The following CTNNA2 variants were observed in gnomAD, a reference collection of about 807,000 sequenced individuals.
CTNNA2 encodes the protein catenin alpha 2.
Under a neutral mutation model 101.0 loss-of-function variants are expected in CTNNA2, and 42 were observed. That is an observed-to-expected ratio of 0.42 (90% CI 0.32 to 0.54). The LOEUF (loss-of-function observed/expected upper bound fraction) is 0.54. CTNNA2 is among the 20% of genes least tolerant of loss of function. The pLI, the probability that CTNNA2 is intolerant of heterozygous loss-of-function variation, is 0.14. For synonymous variants in CTNNA2, 450 were observed against 456.4 expected, an observed-to-expected ratio of 0.99 and a Z score of 0.18; for missense variants, 871 against 1,223.1, an observed-to-expected ratio of 0.71 and a Z score of 4.29.
At chr2:79,241,481 T>C (rs1249378271) in intron 2 of CTNNA2, among the ~76,000 whole-genome samples, 1 of 152,046 alleles carries the variant, frequency 6.6e-6, no homozygotes, top group African/African-American at 2.4e-5. Context: ...TGAAAAACAA[T>C]TGATGAGACA....
chr2:79,448,118 T>C (rs921971159), intron 4 of CTNNA2, among the ~76,000 whole-genome samples: 2 of 152,048 alleles, frequency 1.3e-5, no homozygotes, highest in African/African-American at 4.8e-5. Flanking sequence ...ATATAACACA[T>C]AAATCTAGAA....
At chr2:80,367,407 G>A (rs1675040725) in intron 7 of CTNNA2, among the ~76,000 whole-genome samples, 1 of 152,072 alleles carries the variant, frequency 6.6e-6, no homozygotes, top group Non-Finnish European at 1.5e-5. Context: ...TTTAGGGTTT[G>A]GGGTTATTGT....
intron 3 of CTNNA2, among the ~76,000 whole-genome samples, chr2:79,345,837 C>T (rs888164484): frequency 6.6e-5 from 10 of 150,874 alleles, no homozygotes; most frequent in Non-Finnish European, 1.0e-4. Flanking sequence ...GTATTACAGG[C>T]GCCAGCCATC....
intron 7 of CTNNA2, among the ~76,000 whole-genome samples, chr2:80,275,465 A>G (rs1265772125): frequency 6.6e-6 from 1 of 152,214 alleles, no homozygotes; most frequent in Non-Finnish European, 1.5e-5. Flanking sequence ...TGATGATTGA[A>G]TGATGATTTT....
intron 7 of CTNNA2, among the ~76,000 whole-genome samples, chr2:80,315,207 C>T (rs1677992682): frequency 6.6e-6 from 1 of 152,116 alleles, no homozygotes; most frequent in Non-Finnish European, 1.5e-5. Flanking sequence ...TTTGACTGCT[C>T]CCTCTTTAGA....
rs113615825 is a variant in CTNNA2, at chr2:79,219,172, T to C, written c.-406+21096T>C. Among the ~76,000 whole-genome samples, 314 of 152,346 alleles carry C rather than the reference T, an allele frequency of 2.1e-3. 2 individuals are homozygous for C. The highest frequency in any genetic ancestry group is 0.014 in the Middle Eastern group (4 of 294). ...AAGAAAACATTATTCTTAATGGCTATGTAATATTTCATTATATCATTTATA... is the reference window on the plus strand; with the variant it reads ...AAGAAAACATTATTCTTAATGGCTACGTAATATTTCATTATATCATTTATA... On this transcript the variant is annotated intron_variant, in intron 2 of 21. Transcript: ENST00000466387.
At chr2:80,038,068 A>T (rs202039477) in intron 7 of CTNNA2, among the ~76,000 whole-genome samples, 1 of 3,864 alleles carries the variant, frequency 2.6e-4, no homozygotes, top group Non-Finnish European at 3.9e-4. Context: ...TTGAAAATTG[A>T]AAAAAAAAAC....
chr2:80,336,860 A>G (rs1265703843), intron 7 of CTNNA2, among the ~76,000 whole-genome samples: 1 of 152,196 alleles, frequency 6.6e-6, no homozygotes, highest in Non-Finnish European at 1.5e-5. Context: ...TGAAGTCTCA[A>G]AGTCAAGGAA....
chr2:79,921,390 A>G (rs1686643425), intron 7 of CTNNA2, among the ~76,000 whole-genome samples: 1 of 152,222 alleles, frequency 6.6e-6, no homozygotes, highest in Non-Finnish European at 1.5e-5. Context: ...TATATTAGTC[A>G]GCCTAGACAT....
intron 1 of CTNNA2, among the ~76,000 whole-genome samples, chr2:79,541,544 G>C (rs1258105991): frequency 6.6e-6 from 1 of 151,022 alleles, no homozygotes; most frequent in Non-Finnish European, 1.5e-5. Context: ...AATTCTTATG[G>C]CTTAGGAGTT....
At chr2:80,266,468 T>C (rs1673010081) in intron 7 of CTNNA2, among the ~76,000 whole-genome samples, 1 of 152,192 alleles carries the variant, frequency 6.6e-6, no homozygotes, top group Non-Finnish European at 1.5e-5. Flanking sequence ...CTTGCCAGCT[T>C]TTCGCCTACA....
At chr2:79,642,855 G>A (rs1680543397) in intron 1 of CTNNA2, among the ~76,000 whole-genome samples, 1 of 150,604 alleles carries the variant, frequency 6.6e-6, no homozygotes, top group South Asian at 2.1e-4. Flanking sequence ...CCAGAAAATA[G>A]CCCCTCTTAC....
intron 2 of CTNNA2, among the ~76,000 whole-genome samples, chr2:79,740,607 A>T (rs1352082519): frequency 2.0e-5 from 3 of 152,210 alleles, no homozygotes; most frequent in African/African-American, 7.2e-5. Context: ...ATATATATAA[A>T]TAATGCCTTT....
chr2:79,817,543 ACC>A, intron 3 of CTNNA2, among the ~76,000 whole-genome samples: 1 of 151,744 alleles, frequency 6.6e-6, no homozygotes, highest in East Asian at 1.9e-4. Context: ...GTTGTATCTC[ACC>A]CTTTCCCTGT....
intron 2 of CTNNA2, among the ~76,000 whole-genome samples, chr2:79,715,950 C>T (rs1016890990): frequency 1.3e-5 from 2 of 151,782 alleles, no homozygotes; most frequent in Non-Finnish European, 2.9e-5. Context: ...AGTGCAATCA[C>T]GATTTCAAAA....
At chr2:80,328,679 G>A (rs1196172606) in intron 7 of CTNNA2, among the ~76,000 whole-genome samples, 1 of 152,218 alleles carries the variant, frequency 6.6e-6, no homozygotes, top group Admixed American at 6.5e-5. Context: ...AATGGTGTGT[G>A]AATGTATTTG....
intron 9 of CTNNA2, among the ~76,000 whole-genome samples, chr2:80,472,449 G>A (rs1685386726): frequency 6.6e-6 from 1 of 152,140 alleles, no homozygotes; most frequent in Non-Finnish European, 1.5e-5. Context: ...AATTATAGTG[G>A]GAAGATGGTA....
At chr2:79,332,829 G>C (rs567294678) in intron 3 of CTNNA2, among the ~76,000 whole-genome samples, 6 of 152,226 alleles carry the variant, frequency 3.9e-5, no homozygotes, top group African/African-American at 1.2e-4. Flanking sequence ...GGGAGAAACA[G>C]AGCCAAACTG....
chr2:79,342,507 A>T (rs1421334246), intron 3 of CTNNA2, among the ~76,000 whole-genome samples: 1 of 152,226 alleles, frequency 6.6e-6, no homozygotes, highest in Non-Finnish European at 1.5e-5. Context: ...TCTATACCAC[A>T]AACTTCCATC....
Sources: allele counts gnomAD v4.1 joint callset (sites outside exome capture counted in the v4.1 genomes callset), GRCh38; gene constraint gnomAD v4.1.1; transcripts MANE v1.5; gene names NCBI Gene and HGNC (gene_info 2026-07-23, HGNC 2026-07-21).